The following FRMD6 variants were observed in gnomAD, a reference collection of about 807,000 sequenced individuals.
FRMD6 encodes the protein FERM domain-containing protein 6.
Under a neutral mutation model 73.2 loss-of-function variants are expected in FRMD6, and 37 were observed. That is an observed-to-expected ratio of 0.51 (90% confidence interval 0.39 to 0.66). The LOEUF is 0.66. Among genes scored for constraint, FRMD6 ranks in the 30% least tolerant of loss-of-function variants. The probability of loss-of-function intolerance (pLI) is 0.00; values close to 1 mark genes in which losing one functional copy is unlikely to be tolerated. For synonymous variants in FRMD6, 273 were observed against 282.2 expected, an observed-to-expected ratio of 0.97 and a Z score of 0.33; for missense variants, 714 against 780.5, an observed-to-expected ratio of 0.91 and a Z score of 1.02.
the FRMD6 span, among the ~76,000 whole-genome samples, chr14:51,420,659 T>C: frequency 9.2e-3 from 1,399 of 152,314 alleles, 21 homozygotes; most frequent in African/African-American, 0.032. Context: ...AACAATACAG[T>C]GAAACAGCTA....
At chr14:51,632,020 A>G (rs1165147750) in intron 2 of FRMD6, among the ~76,000 whole-genome samples, 1 of 152,208 alleles carries the variant, frequency 6.6e-6, no homozygotes, top group Non-Finnish European at 1.5e-5. Context: ...CCACATGTGG[A>G]GGGAGGGACC....
intron 2 of FRMD6, among the ~76,000 whole-genome samples, chr14:51,580,009 CAAT>C (rs1252365227): frequency 4.6e-5 from 7 of 152,170 alleles, no homozygotes; most frequent in Non-Finnish European, 8.8e-5. Flanking sequence ...TCAAACCCAA[CAAT>C]GATGTTTGAA....
At chr14:51,601,742 A>G (rs1570125) in intron 2 of FRMD6, among the ~76,000 whole-genome samples, 53,464 of 150,376 alleles carry the variant, frequency 0.36, 10,480 homozygotes, top group Non-Finnish European at 0.42. Flanking sequence ...GGAAGAAGGC[A>G]AGGTCCTATG....
intron 2 of FRMD6, among the ~76,000 whole-genome samples, chr14:51,599,344 A>G: frequency 1.3e-5 from 2 of 152,162 alleles, no homozygotes. Context: ...AATTAACTCA[A>G]GATGGATTAA....
At chr14:51,571,981 C>G (rs1446996792) in intron 2 of FRMD6, among the ~76,000 whole-genome samples, 1 of 152,230 alleles carries the variant, frequency 6.6e-6, no homozygotes, top group East Asian at 1.9e-4. Context: ...CCCCACTAGA[C>G]CAGCAGCAAC....
At chr14:51,716,000 A>C (rs1466956643) in intron 10 of FRMD6, among the ~76,000 whole-genome samples, 1 of 152,162 alleles carries the variant, frequency 6.6e-6, no homozygotes, top group Admixed American at 6.5e-5. Flanking sequence ...GGAGGCCCCC[A>C]AGTCTGTTCT....
At chr14:51,453,959 G>A in the FRMD6 span, among the ~76,000 whole-genome samples, 1 of 152,190 alleles carries the variant, frequency 6.6e-6, no homozygotes, top group African/African-American at 2.4e-5. Flanking sequence ...GGAGACACAT[G>A]CTTTAAGAGG....
At chr14:51,457,622 T>C in the FRMD6 span, among the ~76,000 whole-genome samples, 2 of 152,230 alleles carry the variant, frequency 1.3e-5, no homozygotes, top group African/African-American at 4.8e-5. Context: ...GATGCCCCAG[T>C]TATACAAGTG....
chr14:51,698,756 A>C (rs556289334), intron 3 of FRMD6, among the ~76,000 whole-genome samples: 1 of 152,004 alleles, frequency 6.6e-6, no homozygotes, highest in South Asian at 2.1e-4. Flanking sequence ...ATATCGGGTC[A>C]GTTTCTTCTA....
chr14:51,536,095 T>G (rs36005911), intron 1 of FRMD6, among the ~76,000 whole-genome samples: 87,940 of 138,422 alleles, frequency 0.64, 29,299 homozygotes, highest in African/African-American at 0.85. Context: ...TATATATATA[T>G]ATAGAGAGAG....
chr14:51,603,225 T>G (rs1339483269), intron 2 of FRMD6, among the ~76,000 whole-genome samples: 3 of 149,280 alleles, frequency 2.0e-5, no homozygotes, highest in African/African-American at 7.4e-5. Context: ...CCCAGAACTA[T>G]AGGAAAAAAA....
At chr14:51,549,471 C>T (rs1216807218) in intron 1 of FRMD6, among the ~76,000 whole-genome samples, 2 of 152,018 alleles carry the variant, frequency 1.3e-5, no homozygotes, top group Admixed American at 1.3e-4. Context: ...GTTATTCCAG[C>T]AGAGAAGAAT....
chr14:51,668,461 A>T (rs953567760), intron 1 of FRMD6, among the ~76,000 whole-genome samples: 1 of 151,854 alleles, frequency 6.6e-6, no homozygotes, highest in African/African-American at 2.4e-5. Flanking sequence ...ATGCACTACC[A>T]TGCTCGGCTA....
chr14:51,532,957 A>C (rs1053133528), intron 1 of FRMD6, among the ~76,000 whole-genome samples: 2 of 152,214 alleles, frequency 1.3e-5, no homozygotes, highest in Admixed American at 1.3e-4. Flanking sequence ...AATGTTGTCA[A>C]TGTCATCCAG....
chr14:51,486,066 G>A (rs1226685429), upstream of FRMD6, among the ~76,000 whole-genome samples: 1 of 147,136 alleles, frequency 6.8e-6, no homozygotes, highest in Non-Finnish European at 1.5e-5. Context: ...ATGGAGTCTC[G>A]CACTGTCACC....
chr14:51,604,503 C>A (rs1890166639), intron 2 of FRMD6, among the ~76,000 whole-genome samples: 1 of 152,038 alleles, frequency 6.6e-6, no homozygotes, highest in East Asian at 1.9e-4. Flanking sequence ...CTATTAAAAT[C>A]TTCATGTTTT....
the FRMD6 span, among the ~76,000 whole-genome samples, chr14:51,482,117 A>T: frequency 6.6e-6 from 1 of 152,246 alleles, no homozygotes; most frequent in South Asian, 2.1e-4. Flanking sequence ...AGCAAAGGGT[A>T]ACAGTCTCAA....
intron 1 of FRMD6, among the ~76,000 whole-genome samples, chr14:51,543,598 C>A (rs747379250): frequency 1.3e-5 from 2 of 151,940 alleles, no homozygotes; most frequent in Non-Finnish European, 2.9e-5. Context: ...GATAAAAAGA[C>A]CTGATCTCTG....
chr14:51,538,018 G>C (rs1426520423), intron 1 of FRMD6, among the ~76,000 whole-genome samples: 1 of 152,044 alleles, frequency 6.6e-6, no homozygotes, highest in Admixed American at 6.5e-5. Context: ...ATGAAGTCTA[G>C]CTTATCAATT....
Sources: allele counts gnomAD v4.1 joint callset (sites outside exome capture counted in the v4.1 genomes callset), GRCh38; gene constraint gnomAD v4.1.1; transcripts MANE v1.5; gene names NCBI Gene and HGNC (gene_info 2026-07-23, HGNC 2026-07-21).